Variants in ALOX15 observed in about 807,000 individuals in gnomAD.
The protein encoded by ALOX15 is polyunsaturated fatty acid lipoxygenase ALOX15.
In ALOX15, 68 loss-of-function variants were observed where a neutral mutation model predicts 71.7. That is an observed-to-expected ratio of 0.95 (90% CI 0.78 to 1.16). The LOEUF is 1.16. ALOX15 is among the 50% of genes most tolerant of loss of function. ALOX15 has a pLI of 0.00. For missense variants in ALOX15, 798 were observed against 818.8 expected (o/e 0.97, Z 0.31); for synonymous variants, 346 against 333.3 (o/e 1.04, Z -0.42).
chr17:4,639,129 C>A lies in ALOX15; in HGVS notation c.341G>T (p.Arg114Leu). 2 of 1,614,144 alleles carry A rather than the reference C, an allele frequency of 1.2e-6. No individual in the cohort carries two copies. Among genetic ancestry groups the A allele is most frequent in the Non-Finnish European group, 1.7e-6 (2 of 1,180,038 alleles). Residue 114 changes from arginine (R) to leucine (L), a missense_variant, in exon 3 of 14, where the codon CGC becomes CTC. By Grantham distance (102) the Arg-to-Leu change is moderately radical (BLOSUM62 -2). Coordinates refer to ENST00000293761, the MANE Select transcript of ALOX15 (RefSeq NM_001140.5). ...GCCCTGAGGGTCCTCGCCCACAGTG[C>A]GGCCTAGAAGGACAGAGGAGGACTT... ...GVLSLPEGTGRTVGEDPQGLF... is the reference protein window; with the variant it reads ...GVLSLPEGTGLTVGEDPQGLF...
chr17:4,640,111 CAGAA>C (rs1202619447), intron 1 of ALOX15, among the ~76,000 whole-genome samples: 3 of 121,616 alleles, frequency 2.5e-5, no homozygotes, highest in Non-Finnish European at 5.1e-5. Context: ...GAAAGGCGCG[CAGAA>C]AGAGAGCGGC....
chr17:4,637,114 C>T lies in ALOX15; in HGVS notation c.951+1G>A, dbSNP rs1394260772. ...GGAGCAGAAATCCTGAGTCCTCTCACCTGGATGACCATGGGCAAGAGTTTC... is the reference window on the plus strand; with the variant it reads ...GGAGCAGAAATCCTGAGTCCTCTCATCTGGATGACCATGGGCAAGAGTTTC... On this transcript the variant is annotated splice_donor_variant, in intron 7 of 13. Transcript: ENST00000293761. LOFTEE classifies it high-confidence loss of function. 4 of 1,610,266 alleles carry T rather than the reference C, an allele frequency of 2.5e-6. No homozygotes were observed. Among genetic ancestry groups the T allele is most frequent in the South Asian group, 1.1e-5 (1 of 90,574 alleles).
At position 4,633,320 on chromosome 17, in the gene ALOX15, G is replaced by A; in HGVS notation, c.1249-5C>T. The A allele has an allele frequency of 6.2e-7, 1 of 1,613,004 alleles. No homozygotes were observed. The highest frequency in any genetic ancestry group is 2.2e-5 in the East Asian group (1 of 44,848). Reference sequence around the variant, plus strand: ...TCCCCCACCAGTGCTCATTATCTGAGAAGTGAGGGTGAGCAGGGTCAGGCG... The same window carrying A: ...TCCCCCACCAGTGCTCATTATCTGAAAAGTGAGGGTGAGCAGGGTCAGGCG... On this transcript the variant is annotated splice_polypyrimidine_tract_variant and splice_region_variant and intron_variant, in intron 9 of 13. Transcript: ENST00000293761.
intron 1 of ALOX15, 134 bp downstream of exon 1, chr17:4,641,383 C>T (rs1911322745): frequency 4.6e-5 from 62 of 1,346,730 alleles, no homozygotes; most frequent in Non-Finnish European, 6.1e-5. Context: ...GGCCTCCGCG[C>T]GCTTTGAGCC....
rs1910922067 is a variant in ALOX15, at chr17:4,632,036, C to A, written c.1662G>T (p.Val554=). The change falls in exon 13 of 14, where the codon GTG becomes GTT. Residue 554 remains valine (V), a synonymous_variant. Transcript: ENST00000293761. ...GCCGCATCGTGCAGGGTGCATTAGG[C>A]ACCCAAGAGTACCAGTCCAGCTAAG... ...HLGQLDWYSW[V]PNAPCTMRLP... is the part of the protein sequence containing the mutation. 2 of 1,612,272 alleles carry A rather than the reference C, an allele frequency of 1.2e-6. No individual in the cohort carries two copies. Among genetic ancestry groups the A allele is most frequent in the Non-Finnish European group, 1.7e-6 (2 of 1,179,112 alleles).
rs753065107 is a variant in ALOX15 at position 4,631,982 on chromosome 17, C to G, written c.1716G>C (p.Thr572=). ...GCAGTGTCGCCATCACTGTCTCCAG[C>G]GTTGCATCCTTGGTGGTTGGCGGGG... ...RLPPPTTKDA[T]LETVMATLPN... is the part of the protein sequence containing the mutation. The change falls in exon 13 of 14, where the codon ACG becomes ACC. Residue 572 remains threonine (T), a synonymous_variant. Transcript: ENST00000293761. The G allele has an allele frequency of 1.9e-6, 3 of 1,614,108 alleles. No individual in the cohort carries two copies. The highest frequency in any genetic ancestry group is 2.5e-6 in the Non-Finnish European group (3 of 1,180,016).
chr17:4,641,145 C>A (rs926601263), intron 1 of ALOX15, among the ~76,000 whole-genome samples: 1 of 151,146 alleles, frequency 6.6e-6, no homozygotes, highest in Admixed American at 6.6e-5. Flanking sequence ...GTGATAAAGC[C>A]TGAAAGGTAG....
chr17:4,637,340 T>C, intron 6 of ALOX15, 82 bp from the exon 7 acceptor site: 1 of 1,460,816 alleles, frequency 6.8e-7, no homozygotes, highest in South Asian at 1.4e-5. Context: ...GGGAAGAGAG[T>C]GGAGCTAACT....
chr17:4,631,404 A>G lies in ALOX15; in HGVS notation c.*196T>C, dbSNP rs1910889965. The G allele has an allele frequency of 3.3e-6, 2 of 603,018 alleles. No homozygotes were observed. The highest frequency in any genetic ancestry group is 3.1e-5 in the Admixed American group (1 of 31,954). The allele number at this position is 603,018 out of a possible 1,614,324, so 37.4% of individuals were successfully genotyped here. Reference sequence around the variant, plus strand: ...GAAGATAGGAAAGGAGGAAGGAAGGAAAGAGGAGTAAGGTCCCAGGTGATG... The same window carrying G: ...GAAGATAGGAAAGGAGGAAGGAAGGGAAGAGGAGTAAGGTCCCAGGTGATG... On this transcript the variant is annotated 3_prime_UTR_variant, in exon 14 of 14. Transcript: ENST00000293761.
chr17:4,636,207 C>T (rs1181010396), intron 7 of ALOX15, among the ~76,000 whole-genome samples: 1 of 152,178 alleles, frequency 6.6e-6, no homozygotes, highest in Non-Finnish European at 1.5e-5. Flanking sequence ...CTTCTGGTGC[C>T]TCCTCCAGCC....
intron 10 of ALOX15, 31 bp from the exon 11 acceptor site, chr17:4,633,013 T>C (rs763734084): frequency 2.6e-5 from 42 of 1,613,938 alleles, no homozygotes; most frequent in Non-Finnish European, 3.4e-5. Context: ...GCCAGGGAGC[T>C]GAAGCCAGCT....
chr17:4,637,998 C>A (rs1350488868), intron 6 of ALOX15, among the ~76,000 whole-genome samples: 11 of 152,198 alleles, frequency 7.2e-5, no homozygotes, highest in Non-Finnish European at 1.5e-4. Context: ...TTGTTTCTAT[C>A]AACCATTCCA....
rs752239784 is a variant in ALOX15, at chr17:4,639,566, T to G, written c.201A>C (p.Lys67Asn). 1 of 1,614,040 alleles carries G rather than the reference T, an allele frequency of 6.2e-7. No homozygotes were observed. The part of the protein sequence containing the change: ...LGPLLFVKLR[K>N]RHLLKDDAWF... ...AGGCGTCGTCCTTAAGGAGGTGCCGTTTGCGCAGTTTCACAAACAGCAGCG... is the reference window on the plus strand; with the variant it reads ...AGGCGTCGTCCTTAAGGAGGTGCCGGTTGCGCAGTTTCACAAACAGCAGCG... Residue 67 changes from lysine to asparagine, a missense_variant, in exon 2 of 14, where the codon AAA (lysine) becomes AAC (asparagine). By Grantham distance (94) the Lys-to-Asn change is moderately conservative. Coordinates refer to ENST00000293761, the MANE Select transcript of ALOX15 (RefSeq NM_001140.5).
In ALOX15 at chr17:4,637,121, G is replaced by T; in HGVS notation, c.945C>A (p.Val315=). The change falls in exon 7 of 14, where the codon GTC becomes GTA. Residue 315 remains valine, a synonymous_variant. Coordinates refer to ENST00000293761, the MANE Select transcript of ALOX15 (RefSeq NM_001140.5). ...AAATCCTGAGTCCTCTCACCTGGAT[G>T]ACCATGGGCAAGAGTTTCCCATCAG... ...LQPDGKLLPM[V]IQLQLPRTGS... 2 of 1,611,578 alleles carry T rather than the reference G, an allele frequency of 1.2e-6. No homozygotes were observed. Among genetic ancestry groups the T allele is most frequent in the South Asian group, 2.2e-5 (2 of 90,666 alleles).
intron 7 of ALOX15, among the ~76,000 whole-genome samples, chr17:4,636,222 C>T (rs1911091237): frequency 6.6e-6 from 1 of 152,220 alleles, no homozygotes; most frequent in Non-Finnish European, 1.5e-5. Flanking sequence ...CCAGCCTCCA[C>T]TTCCCCTTTC....
chr17:4,632,211 G>A lies in ALOX15; in HGVS notation c.1611C>T (p.Thr537=), dbSNP rs139519764. ...HFVTMCIFTC[T]GQHASVHLGQ... ...CCAGGTGCACAGAGGCGTGTTGGCC[G>A]GTGCAGGTGAAGATACACATGGTGA... Residue 537 remains threonine, a synonymous_variant, in exon 12 of 14, where the codon ACC becomes ACT. Transcript: ENST00000293761. 5.4e-5 allele frequency: 87 copies of A among 1,614,078 alleles called. No individual in the cohort carries two copies. Among genetic ancestry groups the A allele is most frequent in the Non-Finnish European group, 5.8e-5 (69 of 1,180,056 alleles).
rs759477481 is a variant in ALOX15 at position 4,633,001 on chromosome 17, G to A, written c.1419-19C>T. On this transcript the variant is annotated intron_variant, in intron 10 of 13. Coordinates refer to ENST00000293761, the MANE Select transcript of ALOX15 (RefSeq NM_001140.5). The stretch of plus-strand genomic sequence containing the variant: ...CACATACCTACCAACCAACGGAGCA[G>A]GGCCAGGGAGCTGAAGCCAGCTCTG... The A allele has an allele frequency of 3.1e-6, 5 of 1,614,118 alleles. No individual in the cohort carries two copies. The highest frequency in any genetic ancestry group is 3.3e-5 in the Admixed American group (2 of 60,020).
At chr17:4,634,959 C>CAATAATAAT (rs113006980) in intron 8 of ALOX15, among the ~76,000 whole-genome samples, 27 of 145,404 alleles carry the variant, frequency 1.9e-4, no homozygotes, top group African/African-American at 4.3e-4. Context: ...GCCTGGGCAG[C>CAATAATAAT]AATAATAATA....
rs1910975656 is a variant in ALOX15, at chr17:4,633,203, C to T, written c.1361G>A (p.Gly454Glu). ...PDDLADRGLL[G>E]VKSSFYAQDA... ...TTGGGCATAGAAGGAAGACTTCACTCCCAGGAGCCCCCGGTCGGCCAAGTC... is the reference window on the plus strand; with the variant it reads ...TTGGGCATAGAAGGAAGACTTCACTTCCAGGAGCCCCCGGTCGGCCAAGTC... Residue 454 changes from glycine to glutamate, a missense_variant, in exon 10 of 14, where the codon GGA becomes GAA. Coordinates refer to ENST00000293761, the MANE Select transcript of ALOX15 (RefSeq NM_001140.5). The T allele has an allele frequency of 6.2e-7, 1 of 1,614,052 alleles. No homozygotes were observed. The highest frequency in any genetic ancestry group is 1.1e-5 in the South Asian group (1 of 91,080).
Sources: allele counts gnomAD v4.1 joint callset (sites outside exome capture counted in the v4.1 genomes callset), GRCh38; gene constraint gnomAD v4.1.1; transcripts MANE v1.5; gene names NCBI Gene and HGNC (gene_info 2026-07-23, HGNC 2026-07-21).